DNAH9: variants seen among roughly 807,000 people sequenced by gnomAD.
The protein encoded by DNAH9 is DNAH9 variant protein.
Under a neutral mutation model 471.6 loss-of-function variants are expected in DNAH9, and 345 were observed. The ratio of observed to expected loss-of-function variants is 0.73; its 90% CI spans 0.67 to 0.80. The LOEUF (loss-of-function observed/expected upper bound fraction) is 0.80, where lower values mean the gene tolerates loss of function less well. Among genes scored for constraint, DNAH9 ranks in the 30% least tolerant of loss-of-function variants. The probability of loss-of-function intolerance (pLI) is 0.00; values close to 1 mark genes in which losing one functional copy is unlikely to be tolerated. For synonymous variants in DNAH9, 2,093 were observed against 2,123.6 expected, an observed-to-expected ratio of 0.99 and a Z score of 0.40; for missense variants, 5,407 against 5,609.2, an observed-to-expected ratio of 0.96 and a Z score of 1.15.
At chr17:11,604,529 A>C (rs2072457407) in intron 1 of DNAH9, among the ~76,000 whole-genome samples, 1 of 151,946 alleles carries the variant, frequency 6.6e-6, no homozygotes. Context: ...CCTACTCAAC[A>C]TCTCTATCTT....
chr17:11,843,296 C>A (rs1971092868), intron 49 of DNAH9, among the ~76,000 whole-genome samples: 1 of 152,066 alleles, frequency 6.6e-6, no homozygotes, highest in African/African-American at 2.4e-5. Context: ...GGACTCATTG[C>A]AAAATAAATT....
At chr17:11,898,239 C>G (rs1267766445) in intron 59 of DNAH9, among the ~76,000 whole-genome samples, 1 of 152,068 alleles carries the variant, frequency 6.6e-6, no homozygotes, top group Non-Finnish European at 1.5e-5. Context: ...ATTCTCCTGA[C>G]TCAGCCTCCC....
chr17:11,963,291 G>T (rs979208110), intron 68 of DNAH9, among the ~76,000 whole-genome samples: 1 of 151,966 alleles, frequency 6.6e-6, no homozygotes, highest in African/African-American at 2.4e-5. Context: ...AAAATTAGCC[G>T]GGCATGGTGG....
chr17:11,627,260 G>A (rs548816459), intron 6 of DNAH9, among the ~76,000 whole-genome samples: 3 of 152,218 alleles, frequency 2.0e-5, no homozygotes, highest in South Asian at 4.1e-4. Flanking sequence ...TAAATATTTC[G>A]CTAATATCTA....
intron 1 of DNAH9, among the ~76,000 whole-genome samples, chr17:11,604,654 C>G (rs1451577043): frequency 6.6e-6 from 1 of 152,198 alleles, no homozygotes; most frequent in Non-Finnish European, 1.5e-5. Flanking sequence ...CAACTCCATT[C>G]TTCCCGTTGT....
chr17:11,655,287 AG>A (rs1389595735), intron 14 of DNAH9, among the ~76,000 whole-genome samples: 1 of 151,842 alleles, frequency 6.6e-6, no homozygotes, highest in Non-Finnish European at 1.5e-5. Context: ...ATGGTCTCCA[AG>A]TCCATCCAGG....
At chr17:11,681,036 G>C in intron 19 of DNAH9, 147 bp downstream of exon 19, 1 of 765,036 alleles carries the variant, frequency 1.3e-6, no homozygotes, top group Non-Finnish European at 2.1e-6. Flanking sequence ...TGGTTGAAAC[G>C]TGGTGCTAAT....
At chr17:11,695,055 T>C (rs2074449964) in intron 22 of DNAH9, among the ~76,000 whole-genome samples, 2 of 150,256 alleles carry the variant, frequency 1.3e-5, no homozygotes. Flanking sequence ...TGCCGACTGA[T>C]TTTTTTTGTA....
intron 66 of DNAH9, among the ~76,000 whole-genome samples, chr17:11,941,730 A>AGATAGATAGAT (rs1013461530): frequency 2.0e-5 from 3 of 151,926 alleles, no homozygotes; most frequent in African/African-American, 7.3e-5. Context: ...ATAGATAGAT[A>AGATAGATAGAT]GATAGATAGT....
In DNAH9 at chr17:11,598,601, AGCCT is replaced by A; in HGVS notation, c.106_109del (p.Leu36GlyfsTer97). 1 of 1,354,526 alleles carries A rather than the reference AGCCT, an allele frequency of 7.4e-7. No individual in the cohort carries two copies. The allele number at this position is 1,354,526 out of a possible 1,614,324, so 83.9% of individuals were successfully genotyped here. ...ACTCCTGGGGACCTACGTGGCCATG[AGCCT>A]GCGGCCGGCTGCGGGCGCCTGGGAG... On this transcript the variant is annotated frameshift_variant, in exon 1 of 69. Coordinates refer to ENST00000262442, the MANE Select transcript of DNAH9 (RefSeq NM_001372.4). LOFTEE classifies it high-confidence loss of function.
intron 8 of DNAH9, among the ~76,000 whole-genome samples, chr17:11,633,230 C>T (rs571565692): frequency 1.3e-5 from 2 of 152,250 alleles, no homozygotes; most frequent in East Asian, 1.9e-4. Flanking sequence ...AACGCTGCAT[C>T]GTGAGACATG....
chr17:11,625,117 T>C (rs866734791), intron 6 of DNAH9, among the ~76,000 whole-genome samples: 4 of 152,060 alleles, frequency 2.6e-5, no homozygotes, highest in Admixed American at 2.0e-4. Flanking sequence ...TTTTGCGTCA[T>C]AGAGTTGTAG....
chr17:11,599,296 C>G (rs1433609485), intron 1 of DNAH9, among the ~76,000 whole-genome samples: 1 of 151,978 alleles, frequency 6.6e-6, no homozygotes, highest in Non-Finnish European at 1.5e-5. Context: ...ATCAGCCTCT[C>G]GTAATCCCTC....
At chr17:11,746,879 T>G (rs573963202) in intron 31 of DNAH9, among the ~76,000 whole-genome samples, 203 of 152,226 alleles carry the variant, frequency 1.3e-3, no homozygotes, top group Non-Finnish European at 2.5e-3. Context: ...TTGAGTAAGT[T>G]ACTTGAGGAC....
At chr17:11,746,764 T>G (rs1966894845) in intron 31 of DNAH9, among the ~76,000 whole-genome samples, 1 of 152,210 alleles carries the variant, frequency 6.6e-6, no homozygotes, top group Non-Finnish European at 1.5e-5. Flanking sequence ...AAAGCAGTCC[T>G]TCAAAGTTTT....
intron 67 of DNAH9, among the ~76,000 whole-genome samples, chr17:11,958,321 T>A (rs1039015489): frequency 6.6e-6 from 1 of 152,146 alleles, no homozygotes; most frequent in African/African-American, 2.4e-5. Flanking sequence ...TAATGATGAA[T>A]ATGATACTAT....
At chr17:11,964,182 G>T (rs1976492000) in intron 68 of DNAH9, among the ~76,000 whole-genome samples, 1 of 152,172 alleles carries the variant, frequency 6.6e-6, no homozygotes. Flanking sequence ...ATCTTGAGAA[G>T]GAAGTTGACT....
chr17:11,639,213 A>C (rs920044849), intron 9 of DNAH9, among the ~76,000 whole-genome samples: 1 of 152,106 alleles, frequency 6.6e-6, no homozygotes, highest in Non-Finnish European at 1.5e-5. Context: ...GTCATCTTAG[A>C]GTTTTGCCTA....
At chr17:11,646,782 A>G (rs892503459) in intron 11 of DNAH9, among the ~76,000 whole-genome samples, 9 of 152,100 alleles carry the variant, frequency 5.9e-5, no homozygotes, top group Admixed American at 4.6e-4. Flanking sequence ...GCGTGGTGGC[A>G]CATGCCTGTA....
Sources: allele counts gnomAD v4.1 joint callset (sites outside exome capture counted in the v4.1 genomes callset), GRCh38; gene constraint gnomAD v4.1.1; transcripts MANE v1.5; gene names NCBI Gene and HGNC (gene_info 2026-07-23, HGNC 2026-07-21).